Variants in NRG1 observed in about 807,000 individuals in gnomAD.
NRG1 encodes the protein neuregulin 1.
A neutral mutation model predicts 63.8 loss-of-function variants in NRG1; 18 were observed. The ratio of observed to expected loss-of-function variants is 0.28; its 90% CI spans 0.19 to 0.42. The LOEUF is 0.42. Among genes scored for constraint, NRG1 ranks in the 10% least tolerant of loss-of-function variants. The probability of loss-of-function intolerance (pLI) is 1.00; values close to 1 mark genes in which losing one functional copy is unlikely to be tolerated. For synonymous variants in NRG1, 302 were observed against 301.3 expected (o/e 1.00, Z -0.02); for missense variants, 762 against 814.7 (o/e 0.94, Z 0.79).
In NRG1 at chr8:32,265,320, G is replaced by A. The variant is rs1850805620; in HGVS notation, c.38-330508G>A. Among the ~76,000 whole-genome samples, 4 of 151,484 alleles carry A rather than the reference G, an allele frequency of 2.6e-5. No homozygotes were observed. In the South Asian group the frequency reaches 8.4e-4, roughly 32 times the overall value. ...ACTGCACTCCAGCCTGGGCAACAGA[G>A]AGAGACCCTATCTAAAAAAGAATTA... is the stretch of plus-strand genomic sequence containing the variant. On this transcript the variant is annotated intron_variant, in intron 1 of 10. Coordinates refer to the NRG1 transcript ENST00000519301.
chr8:31,649,462 C>G (rs906376626), intron 1 of NRG1, among the ~76,000 whole-genome samples: 1 of 152,096 alleles, frequency 6.6e-6, no homozygotes, highest in African/African-American at 2.4e-5. Flanking sequence ...TTGTTGTTTT[C>G]TATACAGAGT....
At chr8:32,097,547 A>G (rs1267611859) in intron 1 of NRG1, among the ~76,000 whole-genome samples, 1 of 152,184 alleles carries the variant, frequency 6.6e-6, no homozygotes, top group South Asian at 2.1e-4. Context: ...TAACTAGGGT[A>G]AGATAATACC....
chr8:31,993,871 T>C (rs148614578), intron 1 of NRG1, among the ~76,000 whole-genome samples: 35 of 152,202 alleles, frequency 2.3e-4, no homozygotes, highest in African/African-American at 7.5e-4. Context: ...ACAGGGATAC[T>C]ATGCACCCCA....
At chr8:31,916,126 C>T (rs1833359880) in intron 1 of NRG1, among the ~76,000 whole-genome samples, 1 of 152,058 alleles carries the variant, frequency 6.6e-6, no homozygotes, top group Non-Finnish European at 1.5e-5. Flanking sequence ...TATACTAGAA[C>T]AGTTTGGCTA....
At chr8:32,409,237 A>G (rs1040007527) in intron 1 of NRG1, among the ~76,000 whole-genome samples, 3 of 152,154 alleles carry the variant, frequency 2.0e-5, no homozygotes, top group Non-Finnish European at 2.9e-5. Context: ...ATCTCTCACC[A>G]TATGCAAAAA....
chr8:32,158,527 A>T (rs1310397844), intron 1 of NRG1, among the ~76,000 whole-genome samples: 1 of 145,740 alleles, frequency 6.9e-6, no homozygotes, highest in Non-Finnish European at 1.5e-5. Context: ...AGGTCACTTG[A>T]AACTGACTAT....
At chr8:31,971,061 T>A (rs1476866217) in intron 1 of NRG1, among the ~76,000 whole-genome samples, 2 of 151,614 alleles carry the variant, frequency 1.3e-5, no homozygotes, top group Non-Finnish European at 2.9e-5. Context: ...AAAAAAAAAA[T>A]TATGATATTT....
At chr8:31,669,630 TG>T (rs1806914716) in intron 1 of NRG1, among the ~76,000 whole-genome samples, 1 of 152,218 alleles carries the variant, frequency 6.6e-6, no homozygotes, top group Non-Finnish European at 1.5e-5. Flanking sequence ...CAGTCTCCCA[TG>T]TGGACAGTCT....
chr8:32,648,506 CTA>C, intron 5 of NRG1: 1 of 1,398,090 alleles, frequency 7.2e-7, no homozygotes, highest in South Asian at 1.5e-5. Flanking sequence ...TAAGCAAAGC[CTA>C]TGTTTGAGAT....
intron 1 of NRG1, among the ~76,000 whole-genome samples, chr8:32,340,932 G>A (rs919001121): frequency 3.3e-5 from 5 of 152,188 alleles, no homozygotes; most frequent in African/African-American, 9.7e-5. Context: ...GTCAAGATGA[G>A]TGCTTGAAAC....
intron 1 of NRG1, among the ~76,000 whole-genome samples, chr8:31,880,392 G>A (rs960532230): frequency 6.6e-6 from 1 of 152,096 alleles, no homozygotes; most frequent in Non-Finnish European, 1.5e-5. Flanking sequence ...ATACGACCAT[G>A]AATTAACATT....
chr8:32,738,069 G>T (rs1420564625), intron 6 of NRG1, among the ~76,000 whole-genome samples: 8 of 152,088 alleles, frequency 5.3e-5, no homozygotes, highest in Non-Finnish European at 1.2e-4. Flanking sequence ...CCTATTATGA[G>T]CCAGGCATTG....
At chr8:32,114,224 T>A (rs528610908) in intron 1 of NRG1, among the ~76,000 whole-genome samples, 2 of 152,352 alleles carry the variant, frequency 1.3e-5, no homozygotes, top group South Asian at 2.1e-4. Context: ...AATAACATTT[T>A]ATTTTTCTGT....
In NRG1 at chr8:32,411,867, A is replaced by G. The variant is rs73675183; in HGVS notation, c.38-183961A>G. Among the ~76,000 whole-genome samples, 923 of 152,254 alleles carry G rather than the reference A, an allele frequency of 6.1e-3. 12 individuals carry two copies. The highest frequency in any genetic ancestry group is 0.021 in the African/African-American group (886 of 41,564). The stretch of plus-strand genomic sequence containing the variant: ...TTCTAAAAATCAAAATAAAATCAAA[A>G]TAAAATCAAAATATAGGTAAGTTGA... On this transcript the variant is annotated intron_variant, in intron 1 of 10. Transcript: ENST00000519301.
chr8:32,481,963 C>A (rs1825340273), intron 1 of NRG1, among the ~76,000 whole-genome samples: 1 of 152,114 alleles, frequency 6.6e-6, no homozygotes, highest in Admixed American at 6.5e-5. Flanking sequence ...CAGTAAAATA[C>A]CCTGGCCTCC....
intron 1 of NRG1, among the ~76,000 whole-genome samples, chr8:32,541,622 G>A (rs879305881): frequency 6.6e-6 from 1 of 151,952 alleles, no homozygotes; most frequent in Non-Finnish European, 1.5e-5. Context: ...AAATTTAACA[G>A]GGTTGAATCT....
intron 1 of NRG1, among the ~76,000 whole-genome samples, chr8:31,654,765 C>T (rs1805260123): frequency 6.6e-6 from 1 of 152,104 alleles, no homozygotes; most frequent in Admixed American, 6.5e-5. Context: ...TAGTGAGGCC[C>T]TGTCTGTGCA....
chr8:31,869,967 A>G (rs1829336267), intron 1 of NRG1, among the ~76,000 whole-genome samples: 1 of 152,244 alleles, frequency 6.6e-6, no homozygotes, highest in Admixed American at 6.5e-5. Context: ...TACAATCAAG[A>G]AAACAAAACA....
At position 31,640,428 on chromosome 8, in the gene NRG1, G is replaced by A; in HGVS notation, c.37+997G>A. The A allele has an allele frequency of 1.3e-6, 2 of 1,509,264 alleles. No homozygotes were observed. The highest frequency in any genetic ancestry group is 1.8e-6 in the Non-Finnish European group (2 of 1,128,352). The allele number at this position is 1,509,264 out of a possible 1,614,324, so 93.5% of individuals were successfully genotyped here. On this transcript the variant is annotated intron_variant, in intron 1 of 10. Transcript: ENST00000519301. This position sits in a 1 kb window ranked among gnomAD's most constrained non-coding sequence, Gnocchi z 6.3. Reference sequence around the variant, plus strand: ...TGCCCTCTTGGCCCACCGCCCCGGTGCCCAGCGCCGGCGAGCCCGGGGAGG... The same window carrying A: ...TGCCCTCTTGGCCCACCGCCCCGGTACCCAGCGCCGGCGAGCCCGGGGAGG...
Sources: gnomAD v4.1 joint callset for allele counts (sites outside exome capture counted in the v4.1 genomes callset) on GRCh38, gnomAD v4.1.1 for gene constraint, Gnocchi (gnomAD v3.1) non-coding constraint, MANE v1.5 for transcripts, NCBI Gene and HGNC (gene_info 2026-07-23, HGNC 2026-07-21) for gene names.